Variants in KLHL29 observed in about 807,000 individuals in gnomAD.
KLHL29 encodes the protein kelch like family member 29.
KLHL29 carries 21 observed loss-of-function variants against 80.4 expected under a neutral mutation model. The ratio of observed to expected loss-of-function variants is 0.26; its 90% confidence interval spans 0.19 to 0.38. The LOEUF is 0.38. Among genes scored for constraint, KLHL29 ranks in the 10% least tolerant of loss-of-function variants. The pLI is 1.00. For synonymous variants in KLHL29, 511 were observed against 526.8 expected (o/e 0.97, Z 0.41); for missense variants, 867 against 1,223.9 (o/e 0.71, Z 4.35).
rs944981632 is a variant in KLHL29 at position 23,663,230 on chromosome 2, C to A, written c.940+20380C>A. On this transcript the variant is annotated intron_variant, in intron 5 of 13. Coordinates refer to ENST00000486442, the MANE Select transcript of KLHL29 (RefSeq NM_052920.2). ...AGGCACGAGGCGGGTGTCATGAAAG[C>A]GCCCCTTTGGCCCAGTAGCAAGCAA... Among the ~76,000 whole-genome samples, 41 of 152,244 alleles carry A rather than the reference C, an allele frequency of 2.7e-4. 1 individual carries two copies. The highest frequency in any genetic ancestry group is 7.3e-5 in the Non-Finnish European group (5 of 68,032).
Position 23,671,662 on chromosome 2 carries a change from C to A in KLHL29, c.941-12737C>A, listed in dbSNP as rs1273577005. ...CGGCCTTTTCCCAGCCAGCCCCTCC[C>A]TACACCCCACAACAGCTGTCCACCC... On this transcript the variant is annotated intron_variant, in intron 5 of 13. Transcript: ENST00000486442. 5.3e-5 allele frequency among the ~76,000 whole-genome samples: 8 copies of A among 152,338 alleles called. No homozygotes were observed. The East Asian group carries it at 1.5e-3, about 29-fold the overall frequency.
At chr2:23,626,399 C>A (rs992608261) in intron 3 of KLHL29, among the ~76,000 whole-genome samples, 27 of 152,190 alleles carry the variant, frequency 1.8e-4, no homozygotes, top group Admixed American at 7.2e-4. Flanking sequence ...AGGTTGGGGA[C>A]CCCTGGTTTA....
At chr2:23,614,485 C>A (rs1245853730) in intron 3 of KLHL29, among the ~76,000 whole-genome samples, 1 of 152,166 alleles carries the variant, frequency 6.6e-6, no homozygotes, top group East Asian at 1.9e-4. Flanking sequence ...TTAACACATT[C>A]TCTAAACAAC....
At chr2:23,519,394 C>A (rs1666030977) in intron 2 of KLHL29, among the ~76,000 whole-genome samples, 1 of 151,578 alleles carries the variant, frequency 6.6e-6, no homozygotes, top group Non-Finnish European at 1.5e-5. Context: ...AATCCTGCCT[C>A]CCATGGCATC....
At chr2:23,515,520 T>C (rs1665894155) in intron 2 of KLHL29, among the ~76,000 whole-genome samples, 1 of 152,240 alleles carries the variant, frequency 6.6e-6, no homozygotes, top group Non-Finnish European at 1.5e-5. Flanking sequence ...CCGTCTCTAC[T>C]TCCACAGCTC....
chr2:23,577,466 G>T (rs1667871572), intron 3 of KLHL29, among the ~76,000 whole-genome samples: 1 of 151,368 alleles, frequency 6.6e-6, no homozygotes, highest in Non-Finnish European at 1.5e-5. Context: ...GGGGGGTGGG[G>T]CCATGCGCGG....
chr2:23,618,226 TAA>T (rs1478596470), intron 3 of KLHL29, among the ~76,000 whole-genome samples: 1 of 152,092 alleles, frequency 6.6e-6, no homozygotes, highest in Non-Finnish European at 1.5e-5. Context: ...CAGATTCAAA[TAA>T]AAATTGTAGC....
rs1403046699 is a variant in KLHL29, at chr2:23,706,566, G to A, written c.2530G>A (p.Glu844Lys). 7 of 1,536,998 alleles carry A rather than the reference G, an allele frequency of 4.6e-6. No homozygotes were observed. The highest frequency in any genetic ancestry group is 2.0e-5 in the Admixed American group (1 of 50,962). The change falls in exon 14 of 14, where the codon GAG becomes AAG. Residue 844 changes from glutamate (E) to lysine (K), a missense_variant. Coordinates refer to ENST00000486442, the MANE Select transcript of KLHL29 (RefSeq NM_052920.2). ...CGCGCTGGGCAACATGGAGGCCTAC[G>A]AGCCCACAACCAACACATGGACCCT... ...GPALGNMEAYEPTTNTWTLLP... is the reference protein window; with the variant it reads ...GPALGNMEAYKPTTNTWTLLP...
intron 3 of KLHL29, among the ~76,000 whole-genome samples, chr2:23,623,295 A>G (rs1350866837): frequency 6.6e-6 from 1 of 152,112 alleles, no homozygotes; most frequent in East Asian, 1.9e-4. Context: ...GTCCCCTGCA[A>G]TGGCGATGAG....
intron 1 of KLHL29, among the ~76,000 whole-genome samples, chr2:23,471,868 G>A (rs983588682): frequency 7.9e-5 from 12 of 152,266 alleles, no homozygotes; most frequent in South Asian, 4.1e-4. Flanking sequence ...CTTTGGAAAC[G>A]TTAAGATTTT....
At position 23,680,630 on chromosome 2, in the gene KLHL29, G is replaced by C. The variant is rs948662431; in HGVS notation, c.941-3769G>C. ...TGCAGGGAGGGTCATGGGCTCTCTAGGCCATCTTCTCCTGGGGTCTCTAGG... is the reference window on the plus strand; with the variant it reads ...TGCAGGGAGGGTCATGGGCTCTCTACGCCATCTTCTCCTGGGGTCTCTAGG... On this transcript the variant is annotated intron_variant, in intron 5 of 13. Transcript: ENST00000486442. This position sits in a 1 kb window ranked among gnomAD's most constrained non-coding sequence, Gnocchi z 4.1. 5.9e-5 allele frequency among the ~76,000 whole-genome samples: 9 copies of C among 152,022 alleles called. No homozygotes were observed. Among genetic ancestry groups the C allele is most frequent in the Non-Finnish European group, 1.0e-4 (7 of 68,002 alleles).
chr2:23,616,010 A>G (rs899383182), intron 3 of KLHL29, among the ~76,000 whole-genome samples: 6 of 151,946 alleles, frequency 3.9e-5, no homozygotes, highest in African/African-American at 1.5e-4. Flanking sequence ...CCCTCCTCCT[A>G]AGGGACCCAA....
At chr2:23,600,611 G>A (rs1240209946) in intron 3 of KLHL29, among the ~76,000 whole-genome samples, 2 of 152,196 alleles carry the variant, frequency 1.3e-5, no homozygotes, top group African/African-American at 2.4e-5. Context: ...CTGTTTGTGC[G>A]GTTTTGCCCT....
intron 2 of KLHL29, among the ~76,000 whole-genome samples, chr2:23,480,441 C>A (rs918239199): frequency 2.0e-5 from 3 of 151,930 alleles, no homozygotes; most frequent in African/African-American, 4.8e-5. Flanking sequence ...GAGCTGAGAT[C>A]GCACCACTGC....
intron 1 of KLHL29, among the ~76,000 whole-genome samples, chr2:23,409,673 C>T (rs1666815747): frequency 1.3e-5 from 2 of 152,216 alleles, no homozygotes; most frequent in Non-Finnish European, 2.9e-5. Context: ...TCTCTGAGTG[C>T]CTTCTGCGTG....
intron 5 of KLHL29, among the ~76,000 whole-genome samples, chr2:23,650,411 G>T (rs1297944756): frequency 6.6e-6 from 1 of 152,194 alleles, no homozygotes; most frequent in Non-Finnish European, 1.5e-5. Flanking sequence ...TTGAGATAGG[G>T]TCAGCTAGTG....
chr2:23,537,478 G>A (rs191019862), intron 2 of KLHL29, among the ~76,000 whole-genome samples: 3 of 139,056 alleles, frequency 2.2e-5, no homozygotes, highest in South Asian at 2.3e-4. Context: ...GCACGCACAC[G>A]CTTCTCCAGC....
At position 23,438,403 on chromosome 2, in the gene KLHL29, A is replaced by G. The variant is rs531444579; in HGVS notation, c.-153-37157A>G. Among the ~76,000 whole-genome samples the G allele has an allele frequency of 2.3e-4, 31 of 132,536 alleles. 1 individual carries two copies. The East Asian group carries it at 6.9e-3, about 30-fold the overall frequency. The allele number at this position is 132,536 out of a possible 152,430, so 86.9% of individuals were successfully genotyped here. Reference sequence around the variant, plus strand: ...TGTCTTGTGCCAGTTTTCAAAGGGAATGCTTCCAGTTTTTGCCCATTCGGT... The same window carrying G: ...TGTCTTGTGCCAGTTTTCAAAGGGAGTGCTTCCAGTTTTTGCCCATTCGGT... On this transcript the variant is annotated intron_variant, in intron 1 of 13. Transcript: ENST00000486442.
At chr2:23,491,436 G>A (rs1665099243) in intron 2 of KLHL29, among the ~76,000 whole-genome samples, 1 of 152,146 alleles carries the variant, frequency 6.6e-6, no homozygotes, top group Non-Finnish European at 1.5e-5. Context: ...GAAGGCCTAG[G>A]CACACCAGCA....
Sources: allele counts gnomAD v4.1 joint callset (sites outside exome capture counted in the v4.1 genomes callset), GRCh38; gene constraint gnomAD v4.1.1; non-coding constraint Gnocchi (gnomAD v3.1); transcripts MANE v1.5; gene names NCBI Gene and HGNC (gene_info 2026-07-23, HGNC 2026-07-21).